The following ELAVL4 variants were observed in gnomAD, a reference collection of about 807,000 sequenced individuals.
The protein encoded by ELAVL4 is ELAV-like protein 4.
In ELAVL4, 1 loss-of-function variant was observed where a neutral mutation model predicts 35.6. The ratio of observed to expected loss-of-function variants is 0.03; its 90% CI spans 0.01 to 0.13. ELAVL4 has a LOEUF of 0.13. ELAVL4 is among the 10% of genes least tolerant of loss of function. ELAVL4 has a pLI of 1.00. For missense variants in ELAVL4, 267 were observed against 464.9 expected, an observed-to-expected ratio of 0.57 and a Z score of 3.91; for synonymous variants, 156 against 171.0, an observed-to-expected ratio of 0.91 and a Z score of 0.69.
chr1:50,094,318 T>C (rs1665621808), intron 1 of ELAVL4, among the ~76,000 whole-genome samples: 1 of 152,130 alleles, frequency 6.6e-6, no homozygotes, highest in South Asian at 2.1e-4. Context: ...TTGTTAGAGG[T>C]CTGCTGGGTA....
intron 6 of ELAVL4, among the ~76,000 whole-genome samples, chr1:50,198,440 G>C (rs547687869): frequency 6.6e-6 from 1 of 152,270 alleles, no homozygotes; most frequent in Admixed American, 6.5e-5. Flanking sequence ...CACACCCCCA[G>C]TTCTTTCACT....
chr1:50,157,561 A>G (rs1030924822), intron 2 of ELAVL4, among the ~76,000 whole-genome samples: 1 of 152,250 alleles, frequency 6.6e-6, no homozygotes, highest in African/African-American at 2.4e-5. Context: ...CAAGCTGATC[A>G]AATTACAATG....
intron 3 of ELAVL4, among the ~76,000 whole-genome samples, chr1:50,189,036 G>C (rs1682262863): frequency 1.3e-5 from 2 of 152,186 alleles, no homozygotes; most frequent in South Asian, 4.1e-4. Context: ...AGATGTTTAG[G>C]AAGGGGAGGA....
chr1:50,173,200 AG>A (rs1277092555), intron 2 of ELAVL4, among the ~76,000 whole-genome samples: 1 of 152,202 alleles, frequency 6.6e-6, no homozygotes, highest in Non-Finnish European at 1.5e-5. Context: ...TTTGTTTCTA[AG>A]GGGAAAAGTT....
chr1:50,196,377 G>A (rs1469329789), intron 5 of ELAVL4, among the ~76,000 whole-genome samples: 1 of 152,142 alleles, frequency 6.6e-6, no homozygotes, highest in African/African-American at 2.4e-5. Flanking sequence ...TGGGGCAGGG[G>A]GGCATTGCCC....
chr1:50,107,752 A>G (rs1404744657), upstream of ELAVL4, among the ~76,000 whole-genome samples: 2 of 152,364 alleles, frequency 1.3e-5, no homozygotes, highest in East Asian at 1.9e-4. Flanking sequence ...ATAGTGACAC[A>G]TTAGTCTTTT....
chr1:50,133,641 A>AAGAAAGAAAG (rs1401856990), intron 1 of ELAVL4, among the ~76,000 whole-genome samples: 9 of 147,788 alleles, frequency 6.1e-5, no homozygotes, highest in African/African-American at 2.3e-4. Flanking sequence ...GAAAGAAAGA[A>AAGAAAGAAAG]AGAAAGAAAG....
chr1:50,144,036 C>G (rs561968214), intron 1 of ELAVL4, among the ~76,000 whole-genome samples: 1 of 152,242 alleles, frequency 6.6e-6, no homozygotes, highest in African/African-American at 2.4e-5. Flanking sequence ...TCTCCCTATC[C>G]TATAAGCAGA....
At chr1:50,161,447 A>G (rs977535097) in intron 2 of ELAVL4, among the ~76,000 whole-genome samples, 3 of 151,852 alleles carry the variant, frequency 2.0e-5, no homozygotes, top group East Asian at 1.9e-4. Context: ...TGAGGCTTCT[A>G]TTGTCCTAGT....
intron 1 of ELAVL4, among the ~76,000 whole-genome samples, chr1:50,142,873 A>T (rs555827379): frequency 1.2e-3 from 190 of 152,368 alleles, no homozygotes; most frequent in Non-Finnish European, 1.7e-3. Context: ...CCAAATGTTC[A>T]TCAACAGATA....
At chr1:50,180,493 G>T (rs569292368) in intron 3 of ELAVL4, 1 of 152,164 alleles carries the variant, frequency 6.6e-6, no homozygotes, top group Non-Finnish European at 1.5e-5. Context: ...TTTATTAGGG[G>T]CAGTGTTACA....
At chr1:50,189,154 A>G (rs371583595) in intron 3 of ELAVL4, among the ~76,000 whole-genome samples, 2 of 152,220 alleles carry the variant, frequency 1.3e-5, no homozygotes, top group Non-Finnish European at 2.9e-5. Context: ...ATTGCACCCA[A>G]CATGCCTTTA....
chr1:50,095,701 C>A (rs1665692305), intron 1 of ELAVL4, among the ~76,000 whole-genome samples: 1 of 152,184 alleles, frequency 6.6e-6, no homozygotes, highest in Non-Finnish European at 1.5e-5. Context: ...CAGTGCCTTC[C>A]TCTTTTCCAT....
At chr1:50,184,257 G>A (rs77610528) in intron 3 of ELAVL4, among the ~76,000 whole-genome samples, 9,237 of 152,148 alleles carry the variant, frequency 0.061, 384 homozygotes, top group Non-Finnish European at 0.09. Flanking sequence ...CATTCATAGT[G>A]TCCTGTGTCC....
rs1672261069 is a variant in ELAVL4 at position 50,138,452 on chromosome 1, G to C, written c.10-6505G>C. On this transcript the variant is annotated intron_variant, in intron 1 of 6. Transcript: ENST00000371824. The stretch of plus-strand genomic sequence containing the variant: ...TGCCAGCCAAAGCTTTAACCCTCCT[G>C]CTTGAATGAGTGCTTTTTTTTTTTT... Among the ~76,000 whole-genome samples the C allele has an allele frequency of 2.0e-5, 3 of 146,912 alleles. No individual in the cohort carries two copies. The Admixed American group carries it at 2.1e-4, about 10-fold the overall frequency.
At chr1:50,195,455 A>C in intron 4 of ELAVL4, 106 bp from the exon 5 acceptor site, 1 of 1,240,002 alleles carries the variant, frequency 8.1e-7, no homozygotes, top group Non-Finnish European at 1.2e-6. Flanking sequence ...CTGGCACCAC[A>C]GGTGGGCTTA....
At chr1:50,180,473 C>T (rs1680849934) in intron 3 of ELAVL4, 1 of 152,182 alleles carries the variant, frequency 6.6e-6, no homozygotes, top group Non-Finnish European at 1.5e-5. Flanking sequence ...CAACAAATAT[C>T]CATTTCCCTT....
intron 1 of ELAVL4, among the ~76,000 whole-genome samples, chr1:50,068,009 G>T (rs149396530): frequency 6.6e-6 from 1 of 152,290 alleles, no homozygotes; most frequent in East Asian, 1.9e-4. Context: ...AACACGTGGG[G>T]ATTATGGGAA....
intron 1 of ELAVL4, among the ~76,000 whole-genome samples, chr1:50,061,877 G>A (rs535208427): frequency 3.3e-5 from 5 of 152,134 alleles, no homozygotes; most frequent in South Asian, 4.2e-4. Flanking sequence ...CACCCTCCTC[G>A]CCCCAAAATT....
Sources: allele counts gnomAD v4.1 joint callset (sites outside exome capture counted in the v4.1 genomes callset), GRCh38; gene constraint gnomAD v4.1.1; transcripts MANE v1.5; gene names NCBI Gene and HGNC (gene_info 2026-07-23, HGNC 2026-07-21).